PDCD2L: variants seen among roughly 807,000 people sequenced by gnomAD.
PDCD2L encodes programmed cell death 2 like.
A neutral mutation model predicts 40.4 loss-of-function variants in PDCD2L; 44 were observed. The observed-to-expected ratio is 1.09, with a 90% confidence interval of 0.86 to 1.40. The LOEUF (loss-of-function observed/expected upper bound fraction) is 1.40, where lower values mean the gene tolerates loss of function less well. Among genes scored for constraint, PDCD2L ranks in the 40% most tolerant of loss-of-function variants. PDCD2L has a pLI of 0.00. For missense variants in PDCD2L, 470 were observed against 453.7 expected (o/e 1.04, Z -0.33); for synonymous variants, 194 against 174.6 (o/e 1.11, Z -0.88).
At chr19:34,414,600 C>T (rs1206980360) in intron 5 of PDCD2L, among the ~76,000 whole-genome samples, 1 of 141,274 alleles carries the variant, frequency 7.1e-6, no homozygotes, top group Non-Finnish European at 1.5e-5. Context: ...GTGATCCTCC[C>T]ACTTCAGCCT....
chr19:34,410,386 G>A (rs769542057), intron 4 of PDCD2L, among the ~76,000 whole-genome samples: 2 of 152,082 alleles, frequency 1.3e-5, no homozygotes, highest in Non-Finnish European at 2.9e-5. Flanking sequence ...CAAGTAGCTG[G>A]GATTATAGCC....
Position 34,404,403 on chromosome 19 carries a change from T to C in PDCD2L, c.-28T>C, listed in dbSNP as rs988324497. ...CGTGCGCAGAGAGGCCGCCGTAGTT[T>C]GCGTTTTCACCTGGTCGCCCGGCGG... On this transcript the variant is annotated 5_prime_UTR_variant, in exon 1 of 7. Transcript: ENST00000246535. The C allele has an allele frequency of 1.1e-5, 17 of 1,530,992 alleles. No homozygotes were observed. The highest frequency in any genetic ancestry group is 8.3e-5 in the African/African-American group (6 of 72,274). The allele number at this position is 1,530,992 out of a possible 1,614,324, so 94.8% of individuals were successfully genotyped here.
chr19:34,412,014 A>AT (rs1362927074), intron 4 of PDCD2L, among the ~76,000 whole-genome samples: 2 of 147,142 alleles, frequency 1.4e-5, no homozygotes, highest in African/African-American at 4.9e-5. Flanking sequence ...TATATTAAAA[A>AT]ATATATATGA....
chr19:34,417,764 T>A (rs992788543), intron 5 of PDCD2L, among the ~76,000 whole-genome samples: 1 of 152,190 alleles, frequency 6.6e-6, no homozygotes, highest in Admixed American at 6.5e-5. Context: ...TTGATAAATA[T>A]ATTTACTATG....
At chr19:34,420,419 G>A (rs893328577) in intron 5 of PDCD2L, among the ~76,000 whole-genome samples, 9 of 151,698 alleles carry the variant, frequency 5.9e-5, no homozygotes, top group African/African-American at 2.2e-4. Context: ...TCTTTATGGG[G>A]TAAATTTTCC....
chr19:34,413,353 A>G (rs1283425966), intron 4 of PDCD2L, among the ~76,000 whole-genome samples: 16 of 90,690 alleles, frequency 1.8e-4, no homozygotes, highest in African/African-American at 6.8e-4. Context: ...TTTTTTTGAG[A>G]TGGAGTCTCA....
chr19:34,412,783 T>C (rs2075109935), intron 4 of PDCD2L, among the ~76,000 whole-genome samples: 1 of 151,284 alleles, frequency 6.6e-6, no homozygotes, highest in Non-Finnish European at 1.5e-5. Flanking sequence ...TTTTTTTTTT[T>C]CTTTTTGAGA....
chr19:34,404,841 T>C (rs2145454619), intron 2 of PDCD2L, 26 bp downstream of exon 2: 1 of 1,604,692 alleles, frequency 6.2e-7, no homozygotes. Flanking sequence ...CCAGAGCTGC[T>C]CCAGGGGTGT....
chr19:34,424,567 T>C (rs2145475393), intron 6 of PDCD2L, among the ~76,000 whole-genome samples: 1 of 152,174 alleles, frequency 6.6e-6, no homozygotes, highest in South Asian at 2.1e-4. Context: ...TTACTTCTCT[T>C]GTTTCTTCCC....
chr19:34,408,971 A>G (rs2075089336), intron 3 of PDCD2L, 190 bp from the exon 4 acceptor site: 8 of 589,136 alleles, frequency 1.4e-5, no homozygotes, highest in Non-Finnish European at 2.4e-5. Flanking sequence ...AGGAAAGACA[A>G]GTATTTTAAG....
intron 5 of PDCD2L, among the ~76,000 whole-genome samples, chr19:34,415,119 T>A (rs1169115572): frequency 2.0e-5 from 3 of 151,724 alleles, no homozygotes; most frequent in East Asian, 1.9e-4. Flanking sequence ...TTTTATTTTT[T>A]AATTTATTTT....
chr19:34,409,105 G>A, intron 3 of PDCD2L, 56 bp from the exon 4 acceptor site: 20 of 1,523,574 alleles, frequency 1.3e-5, no homozygotes, highest in Non-Finnish European at 1.8e-5. Context: ...GGAGCCGAAG[G>A]ATTAGAATAA....
intron 3 of PDCD2L, among the ~76,000 whole-genome samples, chr19:34,408,709 G>A (rs1390483130): frequency 1.3e-5 from 2 of 152,188 alleles, no homozygotes; most frequent in Non-Finnish European, 2.9e-5. Context: ...GCCTTGTTCT[G>A]TCTGTGTCTA....
At chr19:34,411,987 A>G (rs564717732) in intron 4 of PDCD2L, among the ~76,000 whole-genome samples, 1 of 114,852 alleles carries the variant, frequency 8.7e-6, no homozygotes, top group African/African-American at 2.8e-5. Context: ...TATATATAAA[A>G]TAAATAATAA....
chr19:34,423,383 G>A (rs777202799), intron 6 of PDCD2L, among the ~76,000 whole-genome samples: 8 of 150,382 alleles, frequency 5.3e-5, no homozygotes, highest in Non-Finnish European at 1.0e-4. Flanking sequence ...AGGTTTCACT[G>A]TTGTTGGCCA....
At chr19:34,413,934 A>T in intron 5 of PDCD2L, 87 bp downstream of exon 5, 1 of 832,502 alleles carries the variant, frequency 1.2e-6, no homozygotes, top group Non-Finnish European at 1.9e-6. Context: ...AATATGAGAA[A>T]AGCAAAACCT....
chr19:34,407,084 G>A (rs568098397), intron 3 of PDCD2L, among the ~76,000 whole-genome samples: 14 of 151,106 alleles, frequency 9.3e-5, no homozygotes, highest in African/African-American at 2.9e-4. Flanking sequence ...CAACCCACCC[G>A]CCTCGGCCTC....
At chr19:34,405,852 G>A (rs1159422173) in intron 3 of PDCD2L, among the ~76,000 whole-genome samples, 1 of 152,040 alleles carries the variant, frequency 6.6e-6, no homozygotes, top group Admixed American at 6.6e-5. Context: ...ATTGCAGTGA[G>A]CTGAGATCAT....
At chr19:34,404,895 T>C (rs766010307) in intron 2 of PDCD2L, 35 bp from the exon 3 acceptor site, 1 of 1,609,548 alleles carries the variant, frequency 6.2e-7, no homozygotes, top group Non-Finnish European at 8.5e-7. Context: ...GGAGTCGGGG[T>C]GCAGCCCTCA....
Sources: gnomAD v4.1 joint callset for allele counts (sites outside exome capture counted in the v4.1 genomes callset) on GRCh38, gnomAD v4.1.1 for gene constraint, MANE v1.5 for transcripts, NCBI Gene and HGNC (gene_info 2026-07-23, HGNC 2026-07-21) for gene names.